AGBL1: variants seen among roughly 807,000 people sequenced by gnomAD.
AGBL1 encodes the protein AGBL carboxypeptidase 1.
Under a neutral mutation model 118.9 loss-of-function variants are expected in AGBL1, and 130 were observed. The ratio of observed to expected loss-of-function variants is 1.09; its 90% CI spans 0.95 to 1.26. The LOEUF (loss-of-function observed/expected upper bound fraction) is 1.26, where lower values mean the gene tolerates loss of function less well. AGBL1 is among the 50% of genes most tolerant of loss of function. The probability of loss-of-function intolerance (pLI) is 0.00; values close to 1 mark genes in which losing one functional copy is unlikely to be tolerated. For synonymous variants in AGBL1, 555 were observed against 478.9 expected, an observed-to-expected ratio of 1.16 and a Z score of -2.08; for missense variants, 1,584 against 1,298.1, an observed-to-expected ratio of 1.22 and a Z score of -3.38.
chr15:86,715,357 T>C (rs2086622133), intron 22 of AGBL1, among the ~76,000 whole-genome samples: 1 of 152,226 alleles, frequency 6.6e-6, no homozygotes, highest in Non-Finnish European at 1.5e-5. Context: ...TGCTCTTTGG[T>C]ATTGCAGCTC....
chr15:86,903,134 T>C (rs2080235193), intron 22 of AGBL1, among the ~76,000 whole-genome samples: 1 of 152,032 alleles, frequency 6.6e-6, no homozygotes, highest in South Asian at 2.1e-4. Flanking sequence ...TTTTCTATTT[T>C]TCTACTTTCA....
chr15:86,505,736 C>G (rs2082968876), intron 18 of AGBL1, among the ~76,000 whole-genome samples: 1 of 151,788 alleles, frequency 6.6e-6, no homozygotes, highest in African/African-American at 2.4e-5. Context: ...TGCATAATAG[C>G]TTATTTAAGT....
chr15:86,495,060 A>G (rs2082830369), intron 18 of AGBL1, among the ~76,000 whole-genome samples: 1 of 151,300 alleles, frequency 6.6e-6, no homozygotes. Flanking sequence ...TGAACCTGGC[A>G]TCAGTTTTAC....
At chr15:86,596,481 G>A (rs2084406346) in intron 21 of AGBL1, among the ~76,000 whole-genome samples, 1 of 152,112 alleles carries the variant, frequency 6.6e-6, no homozygotes, top group Non-Finnish European at 1.5e-5. Flanking sequence ...TCCTTCAGAG[G>A]GCCCTTGGGC....
intron 17 of AGBL1, among the ~76,000 whole-genome samples, chr15:86,366,806 G>C (rs78007292): frequency 0.21 from 31,585 of 151,976 alleles, 3,406 homozygotes; most frequent in South Asian, 0.22. Context: ...TATGATCTTG[G>C]GGGGAAAAAG....
At chr15:86,274,994 G>A (rs890370338) in intron 15 of AGBL1, among the ~76,000 whole-genome samples, 6 of 151,722 alleles carry the variant, frequency 4.0e-5, no homozygotes, top group African/African-American at 1.5e-4. Flanking sequence ...AATGCCCCTC[G>A]AGAGGGAGGA....
rs1350449110 is a variant in AGBL1, at chr15:86,264,637, G to C, written c.1466G>C (p.Arg489Thr). ...TCCTTTTCTAATTCCACTAGGACTAGAGAAGTTGTCAAAGTAATAGATAAG... is the reference window on the plus strand; with the variant it reads ...TCCTTTTCTAATTCCACTAGGACTACAGAAGTTGTCAAAGTAATAGATAAG... ...SASFSNSTRT[R>T]EVVKVIDKLL... The change falls in exon 11 of 23, where the codon AGA (arginine) becomes ACA (threonine). Residue 489 changes from arginine to threonine, a missense_variant. By Grantham distance (71) the Arg-to-Thr change is moderately conservative. Coordinates refer to ENST00000614907, the MANE Select transcript of AGBL1 (RefSeq NM_001386094.1). 2 of 1,613,976 alleles carry C rather than the reference G, an allele frequency of 1.2e-6. No homozygotes were observed. The highest frequency in any genetic ancestry group is 1.7e-6 in the Non-Finnish European group (2 of 1,179,870).
intron 1 of AGBL1, chr15:86,139,978 TC>T: frequency 6.2e-6 from 1 of 160,314 alleles, no homozygotes; most frequent in South Asian, 1.7e-4. Context: ...GACAATCTCC[TC>T]CACCTTCATG....
At chr15:86,614,166 A>C (rs1181238727) in intron 21 of AGBL1, among the ~76,000 whole-genome samples, 1 of 152,222 alleles carries the variant, frequency 6.6e-6, no homozygotes, top group Non-Finnish European at 1.5e-5. Flanking sequence ...ATAAAACAAA[A>C]TGAATAATAT....
intron 18 of AGBL1, among the ~76,000 whole-genome samples, chr15:86,413,600 TA>T (rs2142013461): frequency 6.6e-6 from 1 of 152,316 alleles, no homozygotes; most frequent in Non-Finnish European, 1.5e-5. Flanking sequence ...ATGGTGGTTT[TA>T]ATTTACATTT....
intron 22 of AGBL1, among the ~76,000 whole-genome samples, chr15:86,826,974 A>G (rs1001121141): frequency 1.3e-5 from 2 of 151,968 alleles, no homozygotes; most frequent in East Asian, 2.0e-4. Flanking sequence ...GTTTGTAGCA[A>G]TGTCTGAGAT....
intron 22 of AGBL1, among the ~76,000 whole-genome samples, chr15:86,719,440 G>T (rs2086684838): frequency 6.6e-6 from 1 of 152,152 alleles, no homozygotes; most frequent in African/African-American, 2.4e-5. Flanking sequence ...AAAAGACACA[G>T]CATCCTTATA....
intron 24 of AGBL1, among the ~76,000 whole-genome samples, chr15:87,007,919 A>G (rs759682997): frequency 3.9e-5 from 6 of 152,224 alleles, no homozygotes; most frequent in African/African-American, 1.2e-4. Flanking sequence ...TATTTGTTGA[A>G]TCTGAAACTG....
intron 21 of AGBL1, among the ~76,000 whole-genome samples, chr15:86,568,704 C>T (rs1016569805): frequency 1.4e-4 from 21 of 152,186 alleles, no homozygotes. Flanking sequence ...TCCCAGGCCC[C>T]ACCTACTGAA....
At chr15:87,003,574 C>A (rs2141765446) in intron 24 of AGBL1, among the ~76,000 whole-genome samples, 1 of 152,274 alleles carries the variant, frequency 6.6e-6, no homozygotes, top group East Asian at 1.9e-4. Flanking sequence ...CCTTGTACCT[C>A]TAGTAGAATT....
intron 23 of AGBL1, among the ~76,000 whole-genome samples, chr15:86,979,291 A>G (rs905519758): frequency 6.6e-6 from 1 of 152,198 alleles, no homozygotes; most frequent in Admixed American, 6.5e-5. Flanking sequence ...AATGCAAACA[A>G]AAATTCGAGT....
Position 86,779,706 on chromosome 15 carries a change from A to AT in AGBL1, c.3158+105276dup, listed in dbSNP as rs773959092. On this transcript the variant is annotated intron_variant, in intron 22 of 22. Transcript: ENST00000614907. The stretch of plus-strand genomic sequence containing the variant: ...TTTGTATCTCTTTTCTTTTTCACTG[A>AT]TTTTTTGTAATGGGGAAATAGTGGG... Among the ~76,000 whole-genome samples the AT allele has an allele frequency of 5.3e-5, 8 of 152,164 alleles. No homozygotes were observed. The South Asian group carries it at 8.3e-4, about 16-fold the overall frequency.
chr15:86,318,853 G>T (rs28698762), intron 17 of AGBL1, among the ~76,000 whole-genome samples: 10,073 of 151,864 alleles, frequency 0.066, 1,049 homozygotes, highest in African/African-American at 0.23. Context: ...TGAATGAAGT[G>T]TTATTATTAT....
Position 86,264,362 on chromosome 15 carries a change from C to G in AGBL1, c.1191C>G (p.Ser397Arg), listed in dbSNP as rs2079038771. Residue 397 changes from serine (S) to arginine (R), a missense_variant, in exon 11 of 23, where the codon AGC becomes AGG. By Grantham distance (110) the Ser-to-Arg change is moderately radical (BLOSUM62 -1). Transcript: ENST00000614907. ...AAASSKQHCY[S>R]KDQSSCGQER... ...CCTCCTCAAAACAGCATTGCTACAG[C>G]AAGGACCAAAGCTCCTGTGGGCAAG... The G allele has an allele frequency of 1.9e-6, 3 of 1,613,592 alleles. No homozygotes were observed. Among genetic ancestry groups the G allele is most frequent in the Non-Finnish European group, 2.5e-6 (3 of 1,179,702 alleles).
Sources: allele counts gnomAD v4.1 joint callset (sites outside exome capture counted in the v4.1 genomes callset), GRCh38; gene constraint gnomAD v4.1.1; transcripts MANE v1.5; gene names NCBI Gene and HGNC (gene_info 2026-07-23, HGNC 2026-07-21).